The following NTRK3 variants were observed in gnomAD, a reference collection of about 807,000 sequenced individuals.
The protein encoded by NTRK3 is NT-3 growth factor receptor.
In NTRK3, 24 loss-of-function variants were observed where a neutral mutation model predicts 91.7. The ratio of observed to expected loss-of-function variants is 0.26; its 90% CI spans 0.19 to 0.37. The LOEUF (loss-of-function observed/expected upper bound fraction) is 0.37, where lower values mean the gene tolerates loss of function less well. Ranked by LOEUF, NTRK3 falls within the 10% of genes least tolerant of loss-of-function variation. NTRK3 has a pLI of 1.00. For missense variants in NTRK3, 880 were observed against 1,068.9 expected (o/e 0.82, Z 2.46); for synonymous variants, 483 against 404.0 (o/e 1.20, Z -2.34).
chr15:88,004,059 C>G (rs8030107), intron 14 of NTRK3, among the ~76,000 whole-genome samples: 1 of 151,914 alleles, frequency 6.6e-6, no homozygotes, highest in Non-Finnish European at 1.5e-5. Flanking sequence ...TGGGGTACTT[C>G]TGTTTGCTGT....
At chr15:87,934,247 G>A (rs1413427932) in intron 15 of NTRK3, among the ~76,000 whole-genome samples, 2 of 152,196 alleles carry the variant, frequency 1.3e-5, no homozygotes, top group African/African-American at 4.8e-5. Context: ...CCCTCCCTAT[G>A]AGGCCAGAAG....
At chr15:87,981,601 A>G (rs2074278002) in intron 14 of NTRK3, among the ~76,000 whole-genome samples, 1 of 152,190 alleles carries the variant, frequency 6.6e-6, no homozygotes, top group South Asian at 2.1e-4. Flanking sequence ...CAGAGAAGAA[A>G]GATTCACCAT....
At chr15:87,866,042 T>C (rs1466866901) in exon 19 of NTRK3, 1 of 230,998 alleles carries the variant, frequency 4.3e-6, no homozygotes, top group Non-Finnish European at 8.6e-6. Flanking sequence ...TCTGGCCCTG[T>C]ACAGTTCACA....
At chr15:88,167,821 T>A (rs1341648062) in intron 5 of NTRK3, among the ~76,000 whole-genome samples, 1 of 152,122 alleles carries the variant, frequency 6.6e-6, no homozygotes, top group Non-Finnish European at 1.5e-5. Context: ...CAATAAATGT[T>A]TGAGTCCAGA....
At chr15:88,116,544 C>A (rs759717261) in intron 13 of NTRK3, among the ~76,000 whole-genome samples, 16 of 152,060 alleles carry the variant, frequency 1.1e-4, no homozygotes, top group Non-Finnish European at 1.9e-4. Flanking sequence ...CAGGAAAAAA[C>A]AAAAAGCAGA....
chr15:87,955,883 G>C (rs781296956), intron 14 of NTRK3, among the ~76,000 whole-genome samples: 4 of 152,182 alleles, frequency 2.6e-5, no homozygotes, highest in African/African-American at 9.6e-5. Flanking sequence ...AAACTTTATA[G>C]TGTGTGTCAG....
intron 5 of NTRK3, among the ~76,000 whole-genome samples, chr15:88,168,130 C>T (rs1034413612): frequency 6.6e-6 from 1 of 152,144 alleles, no homozygotes; most frequent in Non-Finnish European, 1.5e-5. Context: ...TATTATGCAA[C>T]TTCTCATGGA....
At chr15:88,145,525 C>T (rs530715814) in intron 6 of NTRK3, among the ~76,000 whole-genome samples, 1 of 152,262 alleles carries the variant, frequency 6.6e-6, no homozygotes, top group Non-Finnish European at 1.5e-5. Context: ...ATGCAGAATC[C>T]CATGATCCTC....
At chr15:88,205,747 G>T (rs2048694178) in intron 3 of NTRK3, 1 of 152,244 alleles carries the variant, frequency 6.6e-6, no homozygotes. Context: ...CTGACTACAA[G>T]AGAAGGCTCC....
At chr15:87,921,280 T>C (rs1596259802) in intron 17 of NTRK3, among the ~76,000 whole-genome samples, 1 of 152,208 alleles carries the variant, frequency 6.6e-6, no homozygotes, top group Non-Finnish European at 1.5e-5. Context: ...CAGAGTCTGG[T>C]CACTGGACAA....
intron 14 of NTRK3, among the ~76,000 whole-genome samples, chr15:87,984,278 C>A (rs767643406): frequency 6.6e-6 from 1 of 152,210 alleles, no homozygotes; most frequent in African/African-American, 2.4e-5. Flanking sequence ...ACGAGTGAAT[C>A]TTGGTGAAGA....
At chr15:88,035,377 A>G (rs1043200000) in intron 13 of NTRK3, among the ~76,000 whole-genome samples, 1 of 152,182 alleles carries the variant, frequency 6.6e-6, no homozygotes, top group African/African-American at 2.4e-5. Flanking sequence ...GAGGGCTGGG[A>G]TGAAGCATGA....
chr15:88,048,411 T>A (rs2080457396), intron 13 of NTRK3, among the ~76,000 whole-genome samples: 1 of 152,132 alleles, frequency 6.6e-6, no homozygotes, highest in African/African-American at 2.4e-5. Flanking sequence ...GGAGAGGCAA[T>A]GACTCAAGAG....
chr15:88,212,877 C>T (rs1344762129), intron 3 of NTRK3, among the ~76,000 whole-genome samples: 1 of 152,174 alleles, frequency 6.6e-6, no homozygotes. Context: ...AGGGCCCCCA[C>T]ACTGAGTGGA....
exon 19 of NTRK3, chr15:87,866,093 A>G (rs1258723227): frequency 1.3e-5 from 3 of 228,776 alleles, no homozygotes; most frequent in Non-Finnish European, 1.7e-5. Flanking sequence ...GGCTCAAATA[A>G]CCCTCTGTGG....
rs542015602 is a variant in NTRK3 at position 87,959,634 on chromosome 15, G to A, written c.1586-18881C>T. ...TAAAGTTATTGAAAATCAGAAGCTCGGGTCTCGATCTTCATGGAACATCCC... is the reference window on the plus strand; with the variant it reads ...TAAAGTTATTGAAAATCAGAAGCTCAGGTCTCGATCTTCATGGAACATCCC... On this transcript the variant is annotated intron_variant, in intron 14 of 18. Transcript: ENST00000394480. Among the ~76,000 whole-genome samples the A allele has an allele frequency of 1.4e-4, 22 of 152,308 alleles. No homozygotes were observed. In the South Asian group the frequency reaches 4.4e-3, roughly 30 times the overall value.
exon 19 of NTRK3, chr15:87,866,926 A>C (rs1009852832): frequency 3.3e-5 from 7 of 213,814 alleles, no homozygotes; most frequent in Non-Finnish European, 5.7e-5. Flanking sequence ...ATAGAAATAT[A>C]GCATATCCAC....
exon 19 of NTRK3, chr15:87,865,341 T>A (rs929992772): frequency 4.7e-6 from 1 of 210,552 alleles, no homozygotes; most frequent in Non-Finnish European, 9.7e-6. Context: ...CACCTGGGAT[T>A]TTTTAGGGGC....
At chr15:88,071,405 A>G (rs1346489278) in intron 13 of NTRK3, among the ~76,000 whole-genome samples, 1 of 152,228 alleles carries the variant, frequency 6.6e-6, no homozygotes, top group Admixed American at 6.5e-5. Flanking sequence ...TTTCTCTTCC[A>G]GTGTGTCAGT....
Sources: gnomAD v4.1 joint callset for allele counts (sites outside exome capture counted in the v4.1 genomes callset) on GRCh38, gnomAD v4.1.1 for gene constraint, MANE v1.5 for transcripts, NCBI Gene and HGNC (gene_info 2026-07-23, HGNC 2026-07-21) for gene names.